The following WRNIP1 variants were observed in gnomAD, a reference collection of about 807,000 sequenced individuals.
The protein encoded by WRNIP1 is ATPase WRNIP1.
Under a neutral mutation model 56.1 loss-of-function variants are expected in WRNIP1, and 41 were observed. The ratio of observed to expected loss-of-function variants is 0.73; its 90% CI spans 0.57 to 0.95. The LOEUF is 0.95. Ranked by LOEUF, WRNIP1 falls within the 40% of genes least tolerant of loss-of-function variation. The pLI is 0.00. For missense variants in WRNIP1, 1,170 were observed against 939.4 expected (o/e 1.25, Z -3.21); for synonymous variants, 547 against 398.1 (o/e 1.37, Z -4.45).
rs905512257 is a variant in WRNIP1 at position 2,765,580 on chromosome 6, G to T, written c.-43G>T. 1 of 1,443,012 alleles carries T rather than the reference G, an allele frequency of 6.9e-7. No homozygotes were observed. The highest frequency in any genetic ancestry group is 9.1e-7 in the Non-Finnish European group (1 of 1,103,520). The allele number at this position is 1,443,012 out of a possible 1,614,324, so 89.4% of individuals were successfully genotyped here. On this transcript the variant is annotated 5_prime_UTR_variant, in exon 1 of 7. Transcript: ENST00000380773. ...ATCGAAGGCCTCCGCGTGCGCACGG[G>T]TTGCTGCGGCCGCGCCGGGCGCCGG...
chr6:2,765,499 A>C lies in WRNIP1; in HGVS notation c.-124A>C. 8.3e-7 allele frequency: 1 copy of C among 1,207,428 alleles called. No homozygotes were observed. Among genetic ancestry groups the C allele is most frequent in the Non-Finnish European group, 1.0e-6 (1 of 958,762 alleles). 74.8% of individuals were successfully genotyped at this position (1,207,428 alleles called of 1,614,324 possible). On this transcript the variant is annotated 5_prime_UTR_variant, in exon 1 of 7. Transcript: ENST00000380773. Reference sequence around the variant, plus strand: ...GAGCGGCGCCCTCCTCCGGCCCGCGAGCGTCCTGCTGGTTCCCCGAGCGAG... The same window carrying C: ...GAGCGGCGCCCTCCTCCGGCCCGCGCGCGTCCTGCTGGTTCCCCGAGCGAG...
intron 1 of WRNIP1, among the ~76,000 whole-genome samples, chr6:2,767,024 C>G (rs1269131250): frequency 6.6e-6 from 1 of 152,236 alleles, no homozygotes; most frequent in African/African-American, 2.4e-5. Context: ...ATTTACAAAA[C>G]TAACATAAAA....
At chr6:2,783,044 G>A (rs1765601424) in intron 4 of WRNIP1, among the ~76,000 whole-genome samples, 1 of 150,642 alleles carries the variant, frequency 6.6e-6, no homozygotes, top group African/African-American at 2.4e-5. Context: ...TCCAGTAGAT[G>A]GTGGGCCACG....
chr6:2,781,822 A>ATT (rs1765567968), intron 4 of WRNIP1, among the ~76,000 whole-genome samples: 2 of 152,224 alleles, frequency 1.3e-5, no homozygotes, highest in Admixed American at 1.3e-4. Context: ...GGCGTGTGTT[A>ATT]TTTAATACAG....
chr6:2,777,362 A>G (rs761837268), intron 3 of WRNIP1, among the ~76,000 whole-genome samples: 11 of 152,206 alleles, frequency 7.2e-5, no homozygotes, highest in African/African-American at 2.7e-4. Flanking sequence ...TCAACACACA[A>G]TCCAACCCAT....
intron 4 of WRNIP1, among the ~76,000 whole-genome samples, chr6:2,782,158 A>G (rs1765576682): frequency 6.6e-6 from 1 of 152,240 alleles, no homozygotes; most frequent in African/African-American, 2.4e-5. Flanking sequence ...GCAGAGGAGC[A>G]GAGCGTAGCC....
At position 2,785,140 on chromosome 6, in the gene WRNIP1, G is replaced by C. The variant is rs1462235643; in HGVS notation, c.1856G>C (p.Arg619Thr). 2.5e-6 allele frequency: 4 copies of C among 1,614,060 alleles called. No individual in the cohort carries two copies. The Admixed American group carries it at 6.7e-5, about 27-fold the overall frequency. ...GPLPPVPLHL[R>T]NAPTRLMKDL... The stretch of plus-strand genomic sequence containing the variant: ...CTGCCCCCCGTGCCCCTGCACCTGA[G>C]GAACGCGCCCACTAGGCTGATGAAG... The change falls in exon 7 of 7, where the codon AGG (arginine) becomes ACG (threonine). Residue 619 changes from arginine (R) to threonine (T), a missense_variant. Arg to Thr is a moderately conservative substitution (Grantham distance 71, BLOSUM62 -1). Coordinates refer to ENST00000380773, the MANE Select transcript of WRNIP1 (RefSeq NM_020135.3).
In WRNIP1 at chr6:2,784,435, C is replaced by T. The variant is rs41300835; in HGVS notation, c.1722+32C>T. On this transcript the variant is annotated intron_variant, in intron 6 of 6. Coordinates refer to ENST00000380773, the MANE Select transcript of WRNIP1 (RefSeq NM_020135.3). ...TAATCAGCTCATTTCTTGCAAATCACTTCTTTTCTCTCTCGTGCTCTGTCC... is the reference window on the plus strand; with the variant it reads ...TAATCAGCTCATTTCTTGCAAATCATTTCTTTTCTCTCTCGTGCTCTGTCC... The T allele has an allele frequency of 5.6e-3, 8,896 of 1,601,488 alleles. 36 individuals are homozygous for T. Among genetic ancestry groups the T allele is most frequent in the Middle Eastern group, 7.1e-3 (43 of 6,040 alleles).
In WRNIP1 at chr6:2,765,846, C is replaced by T. The variant is rs1475038973; in HGVS notation, c.224C>T (p.Ser75Leu). 24 of 1,402,692 alleles carry T rather than the reference C, an allele frequency of 1.7e-5. No homozygotes were observed. The highest frequency in any genetic ancestry group is 2.8e-5 in the Admixed American group (1 of 35,458). 86.9% of individuals were successfully genotyped at this position (1,402,692 alleles called of 1,614,324 possible). A position where few individuals can be genotyped will look rare whatever the true frequency, so the allele number is the denominator to read the frequency against. Reference protein sequence around the residue: ...SPPGAKRRRLSESSALKQPAT... With the variant: ...SPPGAKRRRLLESSALKQPAT... The stretch of plus-strand genomic sequence containing the variant: ...CCCGGCGCCAAGAGGCGGCGGCTGT[C>T]GGAGAGCTCGGCGCTGAAGCAGCCA... Residue 75 changes from serine to leucine, a missense_variant, in exon 1 of 7, where the codon TCG becomes TTG. Coordinates refer to ENST00000380773, the MANE Select transcript of WRNIP1 (RefSeq NM_020135.3).
intron 4 of WRNIP1, among the ~76,000 whole-genome samples, chr6:2,782,715 T>C (rs315006): frequency 0.014 from 2,150 of 152,326 alleles, 86 homozygotes; most frequent in East Asian, 0.13. Flanking sequence ...CCCTTAAATA[T>C]GCCTTTTTTT....
intron 3 of WRNIP1, chr6:2,774,214 A>G: frequency 2.0e-6 from 2 of 985,460 alleles, no homozygotes; most frequent in Non-Finnish European, 2.4e-6. Context: ...AGGGTGCATT[A>G]AAATAATGCC....
Position 2,766,032 on chromosome 6 carries a change from A to G in WRNIP1, c.410A>G (p.Lys137Arg). 7.6e-7 allele frequency: 1 copy of G among 1,315,190 alleles called. No homozygotes were observed. Among genetic ancestry groups the G allele is most frequent in the Non-Finnish European group, 9.7e-7 (1 of 1,034,904 alleles). The allele number at this position is 1,315,190 out of a possible 1,614,324, so 81.5% of individuals were successfully genotyped here. ...PVARSSSPGR[K>R]GSGKRPAAAA... Reference sequence around the variant, plus strand: ...GCCCGCTCCAGCAGCCCCGGGAGGAAGGGGTCGGGGAAGAGGCCGGCGGCC... The same window carrying G: ...GCCCGCTCCAGCAGCCCCGGGAGGAGGGGGTCGGGGAAGAGGCCGGCGGCC... Residue 137 changes from lysine (K) to arginine (R), a missense_variant, in exon 1 of 7, where the codon AAG becomes AGG. Coordinates refer to ENST00000380773, the MANE Select transcript of WRNIP1 (RefSeq NM_020135.3).
Position 2,765,638 on chromosome 6 carries a change from C to A in WRNIP1, c.16C>A (p.Pro6Thr). The A allele has an allele frequency of 6.5e-7, 1 of 1,540,778 alleles. No individual in the cohort carries two copies. Among genetic ancestry groups the A allele is most frequent in the Non-Finnish European group, 8.7e-7 (1 of 1,152,260 alleles). MEVSG[P>T]EDDPFLSQLH... is the part of the protein sequence containing the mutation. ...GGCGGCCGCCATGGAGGTGAGCGGG[C>A]CGGAAGACGACCCCTTCCTTTCGCA... Residue 6 changes from proline to threonine, a missense_variant, in exon 1 of 7, where the codon CCG becomes ACG. Physicochemically the swap from Pro to Thr is conservative, Grantham distance 38 (BLOSUM62 -1). Transcript: ENST00000380773.
chr6:2,782,645 T>C (rs182365346), intron 4 of WRNIP1, among the ~76,000 whole-genome samples: 60 of 152,324 alleles, frequency 3.9e-4, no homozygotes, highest in African/African-American at 1.3e-3. Flanking sequence ...CAGAGAATAG[T>C]GAAATGTATG....
chr6:2,772,949 T>G, intron 3 of WRNIP1: 4 of 984,758 alleles, frequency 4.1e-6, no homozygotes, highest in Non-Finnish European at 4.8e-6. Flanking sequence ...AAGCTATTGG[T>G]GTGCATTTGT....
chr6:2,768,431 T>A (rs531993340), intron 1 of WRNIP1, among the ~76,000 whole-genome samples: 1 of 152,230 alleles, frequency 6.6e-6, no homozygotes, highest in Non-Finnish European at 1.5e-5. Flanking sequence ...CAAAAAGGAA[T>A]CAAAGGTGGT....
Position 2,765,971 on chromosome 6 carries a change from C to A in WRNIP1, c.349C>A (p.Pro117Thr), listed in dbSNP as rs1402258347. Residue 117 changes from proline to threonine, a missense_variant, in exon 1 of 7, where the codon CCC becomes ACC. Transcript: ENST00000380773. ...SRESYDAPPT[P>T]SGARLIPDFP... ...CGAGAGCTACGACGCGCCGCCCACA[C>A]CCAGCGGCGCCCGCCTTATCCCCGA... The A allele has an allele frequency of 7.1e-7, 1 of 1,410,394 alleles. No homozygotes were observed. Among genetic ancestry groups the A allele is most frequent in the Non-Finnish European group, 9.3e-7 (1 of 1,081,006 alleles). 87.4% of individuals were successfully genotyped at this position (1,410,394 alleles called of 1,614,324 possible).
chr6:2,774,409 C>A, intron 3 of WRNIP1: 2 of 348,848 alleles, frequency 5.7e-6, no homozygotes, highest in Non-Finnish European at 8.1e-6. Context: ...ATCTGATGGC[C>A]CTTGGCATTC....
chr6:2,776,552 A>T (rs1478058790), intron 3 of WRNIP1, among the ~76,000 whole-genome samples: 1 of 152,240 alleles, frequency 6.6e-6, no homozygotes, highest in Non-Finnish European at 1.5e-5. Context: ...TACTTTGGTC[A>T]GGAGTTTAAA....
Sources: allele counts gnomAD v4.1 joint callset (sites outside exome capture counted in the v4.1 genomes callset), GRCh38; gene constraint gnomAD v4.1.1; transcripts MANE v1.5; gene names NCBI Gene and HGNC (gene_info 2026-07-23, HGNC 2026-07-21).